The following CERS3 variants were observed in gnomAD, a reference collection of about 807,000 sequenced individuals.
CERS3 encodes ceramide synthase 3.
CERS3 carries 33 observed loss-of-function variants against 50.3 expected under a neutral mutation model. That is an observed-to-expected ratio of 0.66 (90% confidence interval 0.50 to 0.88). The LOEUF (loss-of-function observed/expected upper bound fraction) is 0.88, where lower values mean the gene tolerates loss of function less well. Ranked by LOEUF, CERS3 falls within the 40% of genes least tolerant of loss-of-function variation. The pLI is 0.00. For missense variants in CERS3, 470 were observed against 460.3 expected (o/e 1.02, Z -0.19); for synonymous variants, 176 against 155.2 (o/e 1.13, Z -0.99).
chr15:100,466,724 TCTTCTTTC>T (rs1567638251), intron 10 of CERS3, among the ~76,000 whole-genome samples: 2 of 146,962 alleles, frequency 1.4e-5, no homozygotes, highest in African/African-American at 2.5e-5. Flanking sequence ...GATTTTCTTA[TCTTCTTTC>T]CTTCTTTCCT....
chr15:100,477,282 G>A (rs771593550), intron 7 of CERS3, among the ~76,000 whole-genome samples: 1 of 152,138 alleles, frequency 6.6e-6, no homozygotes, highest in Non-Finnish European at 1.5e-5. Flanking sequence ...TAATTCTTAG[G>A]TCCCTTATTG....
chr15:100,501,929 A>G, intron 2 of CERS3, 79 bp from the exon 3 acceptor site: 2 of 1,449,898 alleles, frequency 1.4e-6, no homozygotes, highest in African/African-American at 1.4e-5. Context: ...TTGGCTCAAA[A>G]TGCCAGATCC....
rs2033017273 is a variant in CERS3, at chr15:100,429,753, T to C, written c.999+26140A>G. On this transcript the variant is annotated intron_variant, in intron 11 of 11. Transcript: ENST00000679737. ...ACGGAAAAGCTTCACCATCTGTGTT[T>C]CTTAAATAAACATACTTATCCACAG... is the stretch of plus-strand genomic sequence containing the variant. 1.3e-5 allele frequency among the ~76,000 whole-genome samples: 2 copies of C among 152,184 alleles called. 1 individual carries two copies. The highest frequency in any genetic ancestry group is 4.8e-5 in the African/African-American group (2 of 41,434).
At chr15:100,448,863 C>A (rs1312824941) in intron 11 of CERS3, among the ~76,000 whole-genome samples, 2 of 152,222 alleles carry the variant, frequency 1.3e-5, no homozygotes, top group Non-Finnish European at 2.9e-5. Flanking sequence ...AGTGACCCCA[C>A]TTCCTTAGTA....
chr15:100,416,238 C>T lies in CERS3; in HGVS notation c.1000-13373G>A, dbSNP rs548019232. Among the ~76,000 whole-genome samples the T allele has an allele frequency of 7.2e-5, 11 of 152,312 alleles. No individual in the cohort carries two copies. In the South Asian group the frequency reaches 2.1e-3, roughly 29 times the overall value. On this transcript the variant is annotated intron_variant, in intron 11 of 11. Coordinates refer to ENST00000679737, the MANE Select transcript of CERS3 (RefSeq NM_001378789.1). ...TCACACTTCCTGAGTTCAAACTACACTGTAAGGCTACAGAACCCAAACAGA... is the reference window on the plus strand; with the variant it reads ...TCACACTTCCTGAGTTCAAACTACATTGTAAGGCTACAGAACCCAAACAGA...
At chr15:100,459,926 C>T (rs556069713) in intron 10 of CERS3, among the ~76,000 whole-genome samples, 27 of 152,088 alleles carry the variant, frequency 1.8e-4, no homozygotes, top group African/African-American at 6.3e-4. Context: ...TCTTTATGAA[C>T]TGCTTTTGTG....
intron 11 of CERS3, among the ~76,000 whole-genome samples, chr15:100,404,188 T>C (rs2030794350): frequency 6.6e-6 from 1 of 152,248 alleles, no homozygotes; most frequent in Admixed American, 6.5e-5. Flanking sequence ...ACTGACACCT[T>C]GATTTTGGCT....
intron 11 of CERS3, among the ~76,000 whole-genome samples, chr15:100,436,579 G>A (rs1223955915): frequency 6.6e-6 from 1 of 152,050 alleles, no homozygotes; most frequent in East Asian, 1.9e-4. Flanking sequence ...CATGGCACAT[G>A]TATACATATA....
chr15:100,461,541 A>C (rs1381380346), intron 10 of CERS3, among the ~76,000 whole-genome samples: 2 of 152,196 alleles, frequency 1.3e-5, no homozygotes, highest in African/African-American at 4.8e-5. Context: ...TGAGTTGACA[A>C]ATGGAAAGTG....
intron 5 of CERS3, among the ~76,000 whole-genome samples, chr15:100,484,166 G>A (rs1304995178): frequency 1.3e-5 from 2 of 152,068 alleles, no homozygotes; most frequent in Admixed American, 6.6e-5. Flanking sequence ...GTTGGATACA[G>A]GTGATAAAGT....
At chr15:100,464,997 T>C (rs2034667363) in intron 10 of CERS3, among the ~76,000 whole-genome samples, 1 of 152,050 alleles carries the variant, frequency 6.6e-6, no homozygotes, top group African/African-American at 2.4e-5. Flanking sequence ...TGCTTGAGGC[T>C]GGGGAAAATC....
intron 11 of CERS3, among the ~76,000 whole-genome samples, chr15:100,453,169 A>T (rs1454085893): frequency 2.6e-5 from 4 of 152,154 alleles, no homozygotes; most frequent in Admixed American, 2.6e-4. Context: ...CGTTACCTTG[A>T]TATCAAAACC....
At chr15:100,480,921 T>A (rs1465142154) in intron 5 of CERS3, among the ~76,000 whole-genome samples, 1 of 152,180 alleles carries the variant, frequency 6.6e-6, no homozygotes, top group East Asian at 1.9e-4. Context: ...AAGCTGGTGA[T>A]GGGTAATAAC....
chr15:100,491,309 A>G (rs952321066), intron 3 of CERS3, among the ~76,000 whole-genome samples: 1 of 152,200 alleles, frequency 6.6e-6, no homozygotes, highest in African/African-American at 2.4e-5. Context: ...AAATTACTAC[A>G]TTCCCATTTC....
intron 11 of CERS3, among the ~76,000 whole-genome samples, chr15:100,433,235 C>CAAA (rs5814963): frequency 0.028 from 2,736 of 98,336 alleles, 111 homozygotes; most frequent in African/African-American, 0.09. Flanking sequence ...GACTCTGTCT[C>CAAA]AAAAAAAAAA....
At chr15:100,435,710 T>C (rs1006428927) in intron 11 of CERS3, among the ~76,000 whole-genome samples, 1 of 152,210 alleles carries the variant, frequency 6.6e-6, no homozygotes. Context: ...GAGAAAATTT[T>C]TGCAATCTAT....
chr15:100,536,441 T>C lies in CERS3; in HGVS notation c.-354-7366A>G, dbSNP rs562542474. 7.9e-5 allele frequency among the ~76,000 whole-genome samples: 12 copies of C among 152,232 alleles called. No individual in the cohort carries two copies. The East Asian group carries it at 2.3e-3, about 29-fold the overall frequency. ...CTGGGACGACAGGCACATGCCACCATGCCTGGCTAGTTTTTGCATTTTTTG... is the reference window on the plus strand; with the variant it reads ...CTGGGACGACAGGCACATGCCACCACGCCTGGCTAGTTTTTGCATTTTTTG... On this transcript the variant is annotated intron_variant, in intron 1 of 12. Transcript: ENST00000284382.
intron 11 of CERS3, among the ~76,000 whole-genome samples, chr15:100,425,072 G>A (rs926446999): frequency 2.6e-5 from 4 of 152,188 alleles, no homozygotes; most frequent in Admixed American, 6.5e-5. Context: ...GGGAGCCTCC[G>A]CCTAGATTTC....
intron 2 of CERS3, among the ~76,000 whole-genome samples, chr15:100,520,240 C>G (rs1380576974): frequency 6.6e-6 from 1 of 152,172 alleles, no homozygotes; most frequent in Non-Finnish European, 1.5e-5. Flanking sequence ...ACATCAGGCT[C>G]CTAGCAGAGC....
Sources: allele counts gnomAD v4.1 joint callset (sites outside exome capture counted in the v4.1 genomes callset), GRCh38; gene constraint gnomAD v4.1.1; transcripts MANE v1.5; gene names NCBI Gene and HGNC (gene_info 2026-07-23, HGNC 2026-07-21).